KIF5B: variants seen among roughly 807,000 people sequenced by gnomAD.
The protein encoded by KIF5B is kinesin family member 5B.
Under a neutral mutation model 132.8 loss-of-function variants are expected in KIF5B, and 49 were observed. The observed-to-expected ratio is 0.37, with a 90% confidence interval of 0.29 to 0.47. The LOEUF (loss-of-function observed/expected upper bound fraction) is 0.47. KIF5B is among the 20% of genes least tolerant of loss of function. The probability of loss-of-function intolerance (pLI) is 1.00; values close to 1 mark genes in which losing one functional copy is unlikely to be tolerated. For synonymous variants in KIF5B, 355 were observed against 369.4 expected, an observed-to-expected ratio of 0.96 and a Z score of 0.45; for missense variants, 780 against 1,144.0, an observed-to-expected ratio of 0.68 and a Z score of 4.59.
Position 32,056,205 on chromosome 10 carries a change from G to A in KIF5B, c.-232C>T. The A allele has an allele frequency of 2.0e-6, 1 of 505,096 alleles. No homozygotes were observed. Among genetic ancestry groups the A allele is most frequent in the African/African-American group, 2.1e-5 (1 of 48,212 alleles). 31.3% of individuals were successfully genotyped at this position (505,096 alleles called of 1,614,324 possible). ...CCGATCCATCATGGCAGCCATGGCG[G>A]CGGCAGCGGCGGCGGCACCGGGGAG... is the stretch of plus-strand genomic sequence containing the variant. On this transcript the variant is annotated 5_prime_UTR_variant, in exon 1 of 26. Transcript: ENST00000302418.
intron 2 of KIF5B, among the ~76,000 whole-genome samples, chr10:32,045,613 G>A (rs926461558): frequency 5.9e-5 from 9 of 152,154 alleles, no homozygotes; most frequent in South Asian, 2.1e-4. Flanking sequence ...GGTAATAGAA[G>A]ACACTAATGT....
chr10:32,020,917 A>G, intron 19 of KIF5B, 105 bp downstream of exon 19: 2 of 601,870 alleles, frequency 3.3e-6, no homozygotes. Flanking sequence ...ATTTTCCAAG[A>G]TAAAAATGTA....
intron 2 of KIF5B, among the ~76,000 whole-genome samples, chr10:32,042,303 A>G (rs1841552556): frequency 6.6e-6 from 1 of 152,230 alleles, no homozygotes; most frequent in Admixed American, 6.5e-5. Context: ...CTTCCCTGGG[A>G]AGATTTTAAG....
chr10:32,048,120 T>A (rs1340878377), intron 2 of KIF5B, among the ~76,000 whole-genome samples: 1 of 152,190 alleles, frequency 6.6e-6, no homozygotes, highest in Non-Finnish European at 1.5e-5. Context: ...TTTAGAAATG[T>A]GTCTAGCCCT....
In KIF5B at chr10:32,043,005, TGAGACA is replaced by T. The variant is rs1372507934; in HGVS notation, c.215-2554_215-2549del. Among the ~76,000 whole-genome samples the T allele has an allele frequency of 3.3e-5, 5 of 152,268 alleles. No individual in the cohort carries two copies. In the East Asian group the frequency reaches 9.7e-4, roughly 29 times the overall value. On this transcript the variant is annotated intron_variant, in intron 2 of 25. Coordinates refer to ENST00000302418, the MANE Select transcript of KIF5B (RefSeq NM_004521.3). ...CACGGTACTATTAGTTTTTTGTTTT[TGAGACA>T]GAGTCTTGCTCTGTCACCCAGGCTG...
chr10:32,018,446 G>A (rs1021287837), intron 21 of KIF5B, 56 bp downstream of exon 21: 5 of 1,588,686 alleles, frequency 3.1e-6, no homozygotes, highest in South Asian at 1.2e-5. Context: ...AATAATCATG[G>A]TAGAAAAAAC....
Position 32,013,610 on chromosome 10 carries a change from A to G in KIF5B, c.*20+1899T>C, listed in dbSNP as rs76900724. Among the ~76,000 whole-genome samples the G allele has an allele frequency of 2.8e-3, 431 of 152,334 alleles. 4 individuals are homozygous for G. The highest frequency in any genetic ancestry group is 9.7e-3 in the African/African-American group (405 of 41,578). ...AGCTGTACAGGATAGTGAAAAAGAAATTGGAAAAATCTGAATATGGAATGG... is the reference window on the plus strand; with the variant it reads ...AGCTGTACAGGATAGTGAAAAAGAAGTTGGAAAAATCTGAATATGGAATGG... On this transcript the variant is annotated intron_variant, in intron 25 of 25. Coordinates refer to ENST00000302418, the MANE Select transcript of KIF5B (RefSeq NM_004521.3).
At position 32,056,127 on chromosome 10, in the gene KIF5B, G is replaced by C. The variant is rs970671146; in HGVS notation, c.-154C>G. Reference sequence around the variant, plus strand: ...GCTTCCCCGGGTGGAGGCGGCCGGGGAGCCGGGACTTGAAGAGCCGGCGCC... The same window carrying C: ...GCTTCCCCGGGTGGAGGCGGCCGGGCAGCCGGGACTTGAAGAGCCGGCGCC... On this transcript the variant is annotated 5_prime_UTR_variant, in exon 1 of 26. Transcript: ENST00000302418. 1 of 876,372 alleles carries C rather than the reference G, an allele frequency of 1.1e-6. No individual in the cohort carries two copies. The highest frequency in any genetic ancestry group is 1.8e-5 in the African/African-American group (1 of 56,264). 54.3% of individuals were successfully genotyped at this position (876,372 alleles called of 1,614,324 possible). A position where few individuals can be genotyped will look rare whatever the true frequency, so the allele number is the denominator to read the frequency against.
chr10:32,018,730 A>T (rs993094459), intron 20 of KIF5B, among the ~76,000 whole-genome samples, 168 bp from the exon 21 acceptor site: 8 of 147,770 alleles, frequency 5.4e-5, no homozygotes, highest in South Asian at 2.1e-4. Context: ...CAAAAAAAAA[A>T]TTTTTTTTTT....
chr10:32,031,344 C>T (rs1331995533), intron 13 of KIF5B, 65 bp from the exon 14 acceptor site: 8 of 1,241,860 alleles, frequency 6.4e-6, no homozygotes, highest in African/African-American at 1.5e-5. Flanking sequence ...ACCCATGAAG[C>T]TTCACCATTT....
chr10:32,031,497 G>C (rs1162927200), intron 13 of KIF5B, among the ~76,000 whole-genome samples: 3 of 152,064 alleles, frequency 2.0e-5, no homozygotes, highest in Admixed American at 2.0e-4. Context: ...TGTGTTTAAG[G>C]AACACAGTAG....
At chr10:32,050,709 G>C (rs1370055195) in intron 1 of KIF5B, among the ~76,000 whole-genome samples, 4 of 152,168 alleles carry the variant, frequency 2.6e-5, no homozygotes, top group Non-Finnish European at 5.9e-5. Context: ...ATTTAAAATA[G>C]GCATCGATGT....
In KIF5B at chr10:32,013,691, T is replaced by G. The variant is rs112463899; in HGVS notation, c.*20+1818A>C. ...TGGGTGTGATAATATTGTGGCTATG[T>G]AGAAAAATGTTATTTTAGAGATTCA... On this transcript the variant is annotated intron_variant, in intron 25 of 25. Transcript: ENST00000302418. Among the ~76,000 whole-genome samples the G allele has an allele frequency of 8.2e-3, 1,253 of 152,324 alleles. 16 individuals carry two copies. The highest frequency in any genetic ancestry group is 0.024 in the Middle Eastern group (7 of 294).
intron 2 of KIF5B, among the ~76,000 whole-genome samples, chr10:32,041,016 G>A (rs1032701715): frequency 9.4e-5 from 14 of 149,580 alleles, no homozygotes; most frequent in Non-Finnish European, 1.9e-4. Context: ...TTAGCTGTAC[G>A]TGGCCTGTAA....
chr10:32,053,985 G>A lies in KIF5B; in HGVS notation c.126+1863C>T, dbSNP rs1250280536. On this transcript the variant is annotated intron_variant, in intron 1 of 25. Transcript: ENST00000302418. ...CTTTAGTTCTTTCTTCATAGTTCAT[G>A]TCGTATTTGTGCCTCATCAAAGTTT... Among the ~76,000 whole-genome samples, 3 of 152,068 alleles carry A rather than the reference G, an allele frequency of 2.0e-5. No individual in the cohort carries two copies. In the East Asian group the frequency reaches 5.8e-4, roughly 29 times the overall value.
chr10:32,024,291 A>G (rs1186053482), intron 15 of KIF5B, among the ~76,000 whole-genome samples: 4 of 143,462 alleles, frequency 2.8e-5, no homozygotes, highest in African/African-American at 1.0e-4. Context: ...AGTAGCTGGG[A>G]CTACAGGCGC....
chr10:32,038,206 TTGG>T lies in KIF5B; in HGVS notation c.452_454del (p.Thr151del). 6.2e-7 allele frequency: 1 copy of T among 1,607,654 alleles called. No individual in the cohort carries two copies. Among genetic ancestry groups the T allele is most frequent in the South Asian group, 1.1e-5 (1 of 90,814 alleles). On this transcript the variant is annotated inframe_deletion, in exon 6 of 26. Coordinates refer to ENST00000302418, the MANE Select transcript of KIF5B (RefSeq NM_004521.3). The stretch of plus-strand genomic sequence containing the variant: ...GTTTTTGTCTTCATGAACTGAAAGG[TTGG>T]TCTTTGAAACTGAGAAAGAAAAACA...
chr10:32,018,420 C>G, intron 21 of KIF5B, 33 bp from the exon 22 acceptor site: 1 of 1,576,942 alleles, frequency 6.3e-7, no homozygotes, highest in Non-Finnish European at 8.6e-7. Context: ...TTTTGGAGCT[C>G]AGACTTTAAA....
chr10:32,022,404 AG>A, intron 16 of KIF5B, 147 bp from the exon 17 acceptor site: 1 of 580,318 alleles, frequency 1.7e-6, no homozygotes, highest in Non-Finnish European at 3.0e-6. Context: ...GAAATGTTAA[AG>A]AATGTAATCA....
Sources: gnomAD v4.1 joint callset for allele counts (sites outside exome capture counted in the v4.1 genomes callset) on GRCh38, gnomAD v4.1.1 for gene constraint, MANE v1.5 for transcripts, NCBI Gene and HGNC (gene_info 2026-07-23, HGNC 2026-07-21) for gene names.